TUSC3: variants seen among roughly 807,000 people sequenced by gnomAD.
The protein encoded by TUSC3 is tumor suppressor candidate 3.
TUSC3 carries 45 observed loss-of-function variants against 44.8 expected under a neutral mutation model. The ratio of observed to expected loss-of-function variants is 1.00; its 90% CI spans 0.79 to 1.29. The LOEUF (loss-of-function observed/expected upper bound fraction) is 1.29. Ranked by LOEUF, TUSC3 falls within the 50% of genes most tolerant of loss-of-function variation. TUSC3 has a pLI of 0.00. For synonymous variants in TUSC3, 212 were observed against 152.9 expected, an observed-to-expected ratio of 1.39 and a Z score of -2.85; for missense variants, 519 against 437.9, an observed-to-expected ratio of 1.19 and a Z score of -1.65.
the TUSC3 span, among the ~76,000 whole-genome samples, chr8:15,796,795 T>C: frequency 3.3e-5 from 5 of 152,218 alleles, no homozygotes; most frequent in African/African-American, 9.6e-5. Flanking sequence ...TTCATAAATA[T>C]GCTGCTTCCT....
downstream of TUSC3, among the ~76,000 whole-genome samples, chr8:15,771,306 A>G (rs1021952765): frequency 2.0e-5 from 3 of 152,210 alleles, no homozygotes; most frequent in Admixed American, 6.5e-5. Flanking sequence ...ATTTCCTATT[A>G]TAATCCCGTG....
intron 1 of TUSC3, among the ~76,000 whole-genome samples, chr8:15,426,845 C>G (rs951717006): frequency 2.0e-5 from 3 of 152,162 alleles, no homozygotes; most frequent in Non-Finnish European, 2.9e-5. Context: ...ATCATATATT[C>G]CCACCAGCAT....
intron 1 of TUSC3, among the ~76,000 whole-genome samples, chr8:15,444,508 G>T (rs1361498300): frequency 6.6e-6 from 1 of 152,294 alleles, no homozygotes; most frequent in Non-Finnish European, 1.5e-5. Context: ...AGGGTAATGA[G>T]ACATTACCTG....
the TUSC3 span, among the ~76,000 whole-genome samples, chr8:15,773,799 A>G: frequency 6.6e-6 from 1 of 152,176 alleles, no homozygotes; most frequent in African/African-American, 2.4e-5. Flanking sequence ...TAACCTCTCT[A>G]TTGATTTTCA....
At chr8:15,784,555 C>T in the TUSC3 span, among the ~76,000 whole-genome samples, 8 of 151,876 alleles carry the variant, frequency 5.3e-5, no homozygotes, top group African/African-American at 1.9e-4. Flanking sequence ...TATGCACACA[C>T]ACACACCGTG....
chr8:15,662,075 A>C (rs1807448444), intron 4 of TUSC3, 81 bp from the exon 5 acceptor site: 1 of 1,521,862 alleles, frequency 6.6e-7, no homozygotes, highest in East Asian at 2.3e-5. Context: ...CTTTGCGTTG[A>C]AAATTATGAG....
At chr8:15,596,659 A>G (rs941888284) in intron 1 of TUSC3, among the ~76,000 whole-genome samples, 7 of 152,032 alleles carry the variant, frequency 4.6e-5, no homozygotes, top group Admixed American at 3.3e-4. Context: ...TTACAGTTAT[A>G]TTTTTCTTTA....
chr8:15,590,834 GC>G (rs1186466981), intron 1 of TUSC3, among the ~76,000 whole-genome samples: 1 of 151,566 alleles, frequency 6.6e-6, no homozygotes, highest in Non-Finnish European at 1.5e-5. Context: ...ACTGTGCCTG[GC>G]TAATTTTTTT....
chr8:15,656,843 T>C (rs1807192031), intron 3 of TUSC3, among the ~76,000 whole-genome samples: 1 of 152,196 alleles, frequency 6.6e-6, no homozygotes, highest in Non-Finnish European at 1.5e-5. Flanking sequence ...AAGACATACC[T>C]CCTCAGCTCT....
chr8:15,749,885 AAATT>A (rs1811618639), intron 9 of TUSC3, among the ~76,000 whole-genome samples: 1 of 146,302 alleles, frequency 6.8e-6, no homozygotes, highest in Admixed American at 7.0e-5. Flanking sequence ...AAACACTTGA[AAATT>A]AATCCATTTT....
chr8:15,811,693 G>A, the TUSC3 span, among the ~76,000 whole-genome samples: 1 of 152,126 alleles, frequency 6.6e-6, no homozygotes, highest in Non-Finnish European at 1.5e-5. Context: ...TGAGGAGAGG[G>A]GTGAAGGAAG....
chr8:15,685,315 C>T (rs554471703), intron 6 of TUSC3, among the ~76,000 whole-genome samples: 2 of 151,288 alleles, frequency 1.3e-5, no homozygotes, highest in South Asian at 2.1e-4. Flanking sequence ...TCCTAGTGCC[C>T]AGCGACTCTG....
chr8:15,432,360 C>G (rs376815141), intron 1 of TUSC3, among the ~76,000 whole-genome samples: 3 of 152,048 alleles, frequency 2.0e-5, no homozygotes, highest in African/African-American at 4.8e-5. Context: ...TTTTTTGCTA[C>G]TTTCTTAAAA....
At position 15,648,725 on chromosome 8, in the gene TUSC3, C is replaced by CAAAAAAAAAAAAAAAAAAA. The variant is rs58526383; in HGVS notation, c.309-1959_309-1941dup. ...TGGGTGACAGAGCAAGACTCTGTGT[C>CAAAAAAAAAAAAAAAAAAA]AAAAAAAAAAAAAAAAAAAAAAAAA... On this transcript the variant is annotated intron_variant, in intron 2 of 10. Transcript: ENST00000503731. 3.1e-4 allele frequency among the ~76,000 whole-genome samples: 8 copies of CAAAAAAAAAAAAAAAAAAA among 26,156 alleles called. 1 individual carries two copies. Among genetic ancestry groups the CAAAAAAAAAAAAAAAAAAA allele is most frequent in the African/African-American group, 3.9e-4 (3 of 7,690 alleles). The allele number at this position is 26,156 out of a possible 152,430, so 17.2% of individuals were successfully genotyped here.
At chr8:15,471,426 T>C (rs1443228284) in intron 1 of TUSC3, among the ~76,000 whole-genome samples, 1 of 152,212 alleles carries the variant, frequency 6.6e-6, no homozygotes, top group Non-Finnish European at 1.5e-5. Context: ...GGATGTTAAG[T>C]GAAGATTTAT....
At chr8:15,677,278 G>T (rs1379931125) in intron 6 of TUSC3, among the ~76,000 whole-genome samples, 1 of 152,080 alleles carries the variant, frequency 6.6e-6, no homozygotes, top group African/African-American at 2.4e-5. Flanking sequence ...CGGATTACAG[G>T]CCTGAGCCAC....
chr8:15,629,844 G>C (rs1805681617), intron 2 of TUSC3, among the ~76,000 whole-genome samples: 1 of 151,530 alleles, frequency 6.6e-6, no homozygotes, highest in Non-Finnish European at 1.5e-5. Context: ...TTCCTTGTAA[G>C]CCCTTTTAGC....
chr8:15,630,664 A>G (rs1430049042), intron 2 of TUSC3, among the ~76,000 whole-genome samples: 2 of 152,266 alleles, frequency 1.3e-5, no homozygotes, highest in East Asian at 1.9e-4. Flanking sequence ...TCTATTCTGT[A>G]AACTGTAATT....
At chr8:15,836,145 T>A in the TUSC3 span, among the ~76,000 whole-genome samples, 4,352 of 78,440 alleles carry the variant, frequency 0.055, 209 homozygotes, top group African/African-American at 0.18. Flanking sequence ...TATAAAATTA[T>A]TTTTTTTTGT....
Sources: gnomAD v4.1 joint callset for allele counts (sites outside exome capture counted in the v4.1 genomes callset) on GRCh38, gnomAD v4.1.1 for gene constraint, MANE v1.5 for transcripts, NCBI Gene and HGNC (gene_info 2026-07-23, HGNC 2026-07-21) for gene names.